AFAP1: variants seen among roughly 807,000 people sequenced by gnomAD.
AFAP1 encodes actin filament associated protein 1.
In AFAP1, 75 loss-of-function variants were observed where a neutral mutation model predicts 93.9. That is an observed-to-expected ratio of 0.80 (90% CI 0.66 to 0.97). The LOEUF (loss-of-function observed/expected upper bound fraction) is 0.97. Among genes scored for constraint, AFAP1 ranks in the 50% least tolerant of loss-of-function variants. AFAP1 has a pLI of 0.00. For missense variants in AFAP1, 1,201 were observed against 1,050.8 expected, an observed-to-expected ratio of 1.14 and a Z score of -1.98; for synonymous variants, 517 against 430.7, an observed-to-expected ratio of 1.20 and a Z score of -2.48.
At chr4:7,765,932 T>C (rs1438063085) in intron 17 of AFAP1, among the ~76,000 whole-genome samples, 3 of 152,218 alleles carry the variant, frequency 2.0e-5, no homozygotes, top group Non-Finnish European at 2.9e-5. Context: ...CTTTCTTCTC[T>C]GCGCCCGCCC....
At chr4:7,788,258 C>A (rs749813747) in intron 11 of AFAP1, among the ~76,000 whole-genome samples, 4 of 152,206 alleles carry the variant, frequency 2.6e-5, no homozygotes, top group Non-Finnish European at 5.9e-5. Context: ...CTGTGATCAC[C>A]AGATGAAGAA....
intron 1 of AFAP1, among the ~76,000 whole-genome samples, chr4:7,887,498 T>C (rs1409528284): frequency 6.6e-6 from 1 of 152,266 alleles, no homozygotes; most frequent in Admixed American, 6.5e-5. Flanking sequence ...CTAAAATAAA[T>C]CAAAGTTGGA....
At chr4:7,852,379 G>T (rs1046074949) in intron 4 of AFAP1, among the ~76,000 whole-genome samples, 1 of 152,116 alleles carries the variant, frequency 6.6e-6, no homozygotes, top group African/African-American at 2.4e-5. Context: ...GGCCACACTG[G>T]GCTCCTCGTG....
At chr4:7,909,339 T>C (rs919706648) in intron 1 of AFAP1, among the ~76,000 whole-genome samples, 2 of 152,224 alleles carry the variant, frequency 1.3e-5, no homozygotes, top group Admixed American at 6.5e-5. Context: ...CCTGACTCCA[T>C]AGCCCTTGCT....
chr4:7,839,218 C>A (rs550585173), intron 5 of AFAP1, among the ~76,000 whole-genome samples: 1 of 152,050 alleles, frequency 6.6e-6, no homozygotes, highest in South Asian at 2.1e-4. Context: ...TTCCTATAGT[C>A]CCAGCTGCTT....
At chr4:7,852,004 A>T (rs1316088625) in intron 4 of AFAP1, among the ~76,000 whole-genome samples, 1 of 152,222 alleles carries the variant, frequency 6.6e-6, no homozygotes, top group Non-Finnish European at 1.5e-5. Context: ...TGTGCTCAGG[A>T]AATTCACTGA....
chr4:7,863,344 G>A (rs1715965956), intron 3 of AFAP1, among the ~76,000 whole-genome samples: 1 of 152,162 alleles, frequency 6.6e-6, no homozygotes, highest in Non-Finnish European at 1.5e-5. Flanking sequence ...GCATGAACCA[G>A]GGAAGCGGAG....
chr4:7,871,896 G>T (rs958177026), intron 2 of AFAP1, 56 bp downstream of exon 2: 56 of 1,571,260 alleles, frequency 3.6e-5, no homozygotes, highest in Non-Finnish European at 4.7e-5. Flanking sequence ...AATTAAAGAC[G>T]ATTTAGAAGC....
chr4:7,815,885 T>C (rs1024599714), intron 8 of AFAP1, 133 bp downstream of exon 8: 2 of 713,324 alleles, frequency 2.8e-6, no homozygotes, highest in Non-Finnish European at 4.5e-6. Context: ...TCCTCTGCCA[T>C]GATGACGATA....
chr4:7,855,810 T>C (rs1181055403), intron 3 of AFAP1, among the ~76,000 whole-genome samples: 1 of 152,088 alleles, frequency 6.6e-6, no homozygotes, highest in African/African-American at 2.4e-5. Context: ...ACACCAAATC[T>C]CCAGGTTCGG....
chr4:7,843,056 T>C, intron 5 of AFAP1, 83 bp downstream of exon 5: 2 of 1,442,790 alleles, frequency 1.4e-6, no homozygotes, highest in East Asian at 2.3e-5. Context: ...GCACAGCTGA[T>C]GTTAATGGTG....
chr4:7,903,635 T>C (rs1378220772), intron 1 of AFAP1, among the ~76,000 whole-genome samples: 1 of 152,140 alleles, frequency 6.6e-6, no homozygotes, highest in Non-Finnish European at 1.5e-5. Context: ...GCCGAGAAAG[T>C]GCCACTGCAC....
chr4:7,893,334 A>T (rs1250099400), intron 1 of AFAP1, among the ~76,000 whole-genome samples: 1 of 152,200 alleles, frequency 6.6e-6, no homozygotes, highest in Non-Finnish European at 1.5e-5. Flanking sequence ...TAATCCCAAC[A>T]CTTTGGGAGG....
intron 3 of AFAP1, among the ~76,000 whole-genome samples, chr4:7,866,006 C>T (rs1716355456): frequency 6.6e-6 from 1 of 152,200 alleles, no homozygotes; most frequent in Non-Finnish European, 1.5e-5. Flanking sequence ...AAGCGATTCT[C>T]CTGCCTCAGC....
At chr4:7,795,143 A>G (rs1718278803) in intron 10 of AFAP1, among the ~76,000 whole-genome samples, 1 of 152,220 alleles carries the variant, frequency 6.6e-6, no homozygotes, top group Admixed American at 6.5e-5. Context: ...CTCTAAAGGA[A>G]GGGATGTTAA....
intron 6 of AFAP1, among the ~76,000 whole-genome samples, chr4:7,830,107 A>G (rs1274860332): frequency 0.023 from 2 of 86 alleles, no homozygotes; most frequent in Non-Finnish European, 0.034. Flanking sequence ...TTTAGGTGGA[A>G]AAAAAAAAAC....
In AFAP1 at chr4:7,844,755, G is replaced by A. The variant is rs574176236; in HGVS notation, c.335-1405C>T. Among the ~76,000 whole-genome samples the A allele has an allele frequency of 2.0e-5, 3 of 152,336 alleles. No individual in the cohort carries two copies. In the South Asian group the frequency reaches 6.2e-4, roughly 32 times the overall value. On this transcript the variant is annotated intron_variant, in intron 4 of 17. Coordinates refer to ENST00000420658, the MANE Select transcript of AFAP1 (RefSeq NM_001134647.2). The stretch of plus-strand genomic sequence containing the variant: ...GTAAAAGGTCTTCCTAAATACCAGC[G>A]CCCGTCATTCCTCTCATTACTTTCA...
At chr4:7,874,530 ATTTT>A (rs71175435) in intron 1 of AFAP1, among the ~76,000 whole-genome samples, 4,036 of 50,860 alleles carry the variant, frequency 0.079, 88 homozygotes, top group East Asian at 0.22. Context: ...TGCCCAGCTA[ATTTT>A]TTTTTTTTTT....
At chr4:7,887,742 AG>A (rs35119468) in intron 1 of AFAP1, among the ~76,000 whole-genome samples, 67,449 of 151,972 alleles carry the variant, frequency 0.44, 17,172 homozygotes, top group Non-Finnish European at 0.6. Context: ...GACACAAAGG[AG>A]GAATTTGTCT....
Sources: gnomAD v4.1 joint callset for allele counts (sites outside exome capture counted in the v4.1 genomes callset) on GRCh38, gnomAD v4.1.1 for gene constraint, MANE v1.5 for transcripts, NCBI Gene and HGNC (gene_info 2026-07-23, HGNC 2026-07-21) for gene names.